The following GPR180 variants were observed in gnomAD, a reference collection of about 807,000 sequenced individuals.
GPR180 encodes G protein-coupled receptor 180, also known as integral membrane protein GPR180.
GPR180 carries 53 observed loss-of-function variants against 52.6 expected under a neutral mutation model. The ratio of observed to expected loss-of-function variants is 1.01; its 90% CI spans 0.81 to 1.27. The LOEUF (loss-of-function observed/expected upper bound fraction) is 1.27, where lower values mean the gene tolerates loss of function less well. Ranked by LOEUF, GPR180 falls within the 50% of genes most tolerant of loss-of-function variation. The pLI is 0.00. For missense variants in GPR180, 533 were observed against 527.0 expected, an observed-to-expected ratio of 1.01 and a Z score of -0.11; for synonymous variants, 200 against 193.1, an observed-to-expected ratio of 1.04 and a Z score of -0.30.
intron 5 of GPR180, 115 bp from the exon 6 acceptor site, chr13:94,620,956 CTCTTTGA>C: frequency 1.2e-6 from 1 of 820,548 alleles, no homozygotes; most frequent in Non-Finnish European, 1.9e-6. Flanking sequence ...TCGTTAGCTT[CTCTTTGA>C]AAATGGCTTT....
intron 7 of GPR180, 29 bp from the exon 8 acceptor site, chr13:94,625,937 T>G: frequency 6.4e-7 from 1 of 1,565,710 alleles, no homozygotes; most frequent in South Asian, 1.1e-5. Context: ...TACACAGTTC[T>G]ACTTATTTCA....
chr13:94,618,357 A>G (rs565723874), intron 3 of GPR180, among the ~76,000 whole-genome samples: 1 of 148,144 alleles, frequency 6.8e-6, no homozygotes, highest in Non-Finnish European at 1.5e-5. Context: ...ATTGGTAGCC[A>G]TTTGGTTAGG....
chr13:94,607,543 A>G (rs570856568), intron 2 of GPR180, among the ~76,000 whole-genome samples: 11 of 152,250 alleles, frequency 7.2e-5, no homozygotes, highest in African/African-American at 2.6e-4. Context: ...TTAAGTTAAC[A>G]CCTAAGTTTT....
At chr13:94,604,344 TAAAAA>T (rs71761008) in intron 1 of GPR180, among the ~76,000 whole-genome samples, 1 of 141,730 alleles carries the variant, frequency 7.1e-6, no homozygotes, top group East Asian at 2.2e-4. Context: ...AAAAATAAAT[TAAAAA>T]AAAAAAAAAA....
Position 94,619,021 on chromosome 13 carries a change from A to G in GPR180, c.506-129A>G, listed in dbSNP as rs1889817107. On this transcript the variant is annotated intron_variant, in intron 3 of 8. Coordinates refer to ENST00000376958, the MANE Select transcript of GPR180 (RefSeq NM_180989.6). ...GTTTTAATAATTTTTTTTCTCTTAC[A>G]AAGGTGAATGCTATGACTCCAGTTA... 7 of 746,874 alleles carry G rather than the reference A, an allele frequency of 9.4e-6. No homozygotes were observed. The South Asian group carries it at 1.8e-4, about 19-fold the overall frequency. 46.3% of individuals were successfully genotyped at this position (746,874 alleles called of 1,614,324 possible).
At position 94,629,586 on chromosome 13, in the gene GPR180, A is replaced by T. The variant is rs1889967603; in HGVS notation, c.*2415A>T. On this transcript the variant is annotated 3_prime_UTR_variant, in exon 9 of 9. Transcript: ENST00000376958. ...TTAGTTTTTCCACTTTACCTTCATG[A>T]TTTAAGGAACATGTATTAGCTGTGT... 1 of 152,180 alleles carries T rather than the reference A, an allele frequency of 6.6e-6. No homozygotes were observed. Among genetic ancestry groups the T allele is most frequent in the Non-Finnish European group, 1.5e-5 (1 of 68,024 alleles). The allele number at this position is 152,180 out of a possible 1,614,324, so 9.4% of individuals were successfully genotyped here.
chr13:94,613,355 CAGT>C (rs905783357), intron 3 of GPR180, among the ~76,000 whole-genome samples: 33 of 152,268 alleles, frequency 2.2e-4, no homozygotes, highest in African/African-American at 7.7e-4. Context: ...AGAATTGTGA[CAGT>C]AGGTCACAAA....
intron 1 of GPR180, among the ~76,000 whole-genome samples, chr13:94,605,056 C>G (rs1889611862): frequency 6.6e-6 from 1 of 152,072 alleles, no homozygotes; most frequent in Non-Finnish European, 1.5e-5. Context: ...TGGGACATTT[C>G]TATAGATTAT....
intron 3 of GPR180, among the ~76,000 whole-genome samples, chr13:94,614,616 A>G (rs1374554048): frequency 6.6e-6 from 1 of 152,116 alleles, no homozygotes; most frequent in Non-Finnish European, 1.5e-5. Flanking sequence ...AGTTGTGGCT[A>G]GCTTTTCTTT....
Position 94,605,406 on chromosome 13 carries a change from T to A in GPR180, c.161T>A (p.Leu54Gln). 1 of 1,614,058 alleles carries A rather than the reference T, an allele frequency of 6.2e-7. No homozygotes were observed. Among genetic ancestry groups the A allele is most frequent in the Non-Finnish European group, 8.5e-7 (1 of 1,179,982 alleles). The change falls in exon 2 of 9, where the codon CTG becomes CAG. Residue 54 changes from leucine (L) to glutamine (Q), a missense_variant. Leu to Gln is a moderately radical substitution (Grantham distance 113). Transcript: ENST00000376958. ...TAATGTCAAGGTGACCATGCTCTTC[T>A]GTGTGTCAGAATCAACAACATAGCA... ...HFEFHGDHAL[L>Q]CVRINNIAVA...
At chr13:94,623,536 C>T (rs1450873050) in intron 7 of GPR180, among the ~76,000 whole-genome samples, 1 of 152,052 alleles carries the variant, frequency 6.6e-6, no homozygotes, top group Non-Finnish European at 1.5e-5. Flanking sequence ...TAAAATTAGC[C>T]ACGCTTTGTG....
intron 3 of GPR180, 116 bp from the exon 4 acceptor site, chr13:94,619,034 A>G (rs1039427677): frequency 1.2e-6 from 1 of 839,182 alleles, no homozygotes. Context: ...GGTGAATGCT[A>G]TGACTCCAGT....
Position 94,627,138 on chromosome 13 carries a change from A to G in GPR180, c.1290A>G (p.Ile430Met), listed in dbSNP as rs748997781. The G allele has an allele frequency of 6.2e-7, 1 of 1,612,858 alleles. No individual in the cohort carries two copies. Among genetic ancestry groups the G allele is most frequent in the South Asian group, 1.1e-5 (1 of 90,918 alleles). Residue 430 changes from isoleucine (I) to methionine (M), a missense_variant, in exon 9 of 9, where the codon ATA becomes ATG. Coordinates refer to ENST00000376958, the MANE Select transcript of GPR180 (RefSeq NM_180989.6). ...SLSSVTLPLTISSGHKSRPHF is the reference protein window; with the variant it reads ...SLSSVTLPLTMSSGHKSRPHF ...CTTCAGTAACACTACCACTGACCAT[A>G]TCATCTGGACACAAAAGTCGCCCTC...
At chr13:94,622,161 G>C (rs998774181) in intron 6 of GPR180, among the ~76,000 whole-genome samples, 3 of 152,172 alleles carry the variant, frequency 2.0e-5, no homozygotes, top group Non-Finnish European at 2.9e-5. Context: ...TAGAAAGGAG[G>C]TAGTGCCAGG....
rs1889963653 is a variant in GPR180, at chr13:94,629,220, A to G, written c.*2049A>G. 1 of 152,160 alleles carries G rather than the reference A, an allele frequency of 6.6e-6. No homozygotes were observed. The highest frequency in any genetic ancestry group is 1.5e-5 in the Non-Finnish European group (1 of 67,988). The allele number at this position is 152,160 out of a possible 1,614,324, so 9.4% of individuals were successfully genotyped here. A position where few individuals can be genotyped will look rare whatever the true frequency, so the allele number is the denominator to read the frequency against. ...CTGAATGTTTACATAGAGATTCATC[A>G]CTGCAGATTACAGAAAGTTAAGTGT... On this transcript the variant is annotated 3_prime_UTR_variant, in exon 9 of 9. Transcript: ENST00000376958.
intron 3 of GPR180, among the ~76,000 whole-genome samples, chr13:94,613,867 C>CT (rs770192473): frequency 0.012 from 1,587 of 133,814 alleles, 19 homozygotes; most frequent in African/African-American, 0.034. Context: ...TCCTCAGGTC[C>CT]TTTTTTTTTT....
chr13:94,608,919 TTGTTC>T (rs1370063870), intron 2 of GPR180, among the ~76,000 whole-genome samples: 13 of 152,318 alleles, frequency 8.5e-5, no homozygotes, highest in Middle Eastern at 6.8e-3. Context: ...AGTCATCTCT[TTGTTC>T]TGTCATAAAA....
chr13:94,605,261 A>G, intron 1 of GPR180, 130 bp from the exon 2 acceptor site: 1 of 738,292 alleles, frequency 1.4e-6, no homozygotes, highest in Non-Finnish European at 2.3e-6. Context: ...TGATTTACCT[A>G]GTTAAGCGAG....
intron 2 of GPR180, 27 bp from the exon 3 acceptor site, chr13:94,612,162 AC>A (rs1466746318): frequency 6.4e-7 from 1 of 1,565,766 alleles, no homozygotes; most frequent in Admixed American, 1.7e-5. Context: ...GAATTTTGTT[AC>A]AAAAGGTGTT....
Sources: gnomAD v4.1 joint callset for allele counts (sites outside exome capture counted in the v4.1 genomes callset) on GRCh38, gnomAD v4.1.1 for gene constraint, MANE v1.5 for transcripts, NCBI Gene and HGNC (gene_info 2026-07-23, HGNC 2026-07-21) for gene names.